Variants in ARHGAP15 observed in about 807,000 individuals in gnomAD.
ARHGAP15 encodes the protein Rho GTPase activating protein 15, also known as rho GTPase-activating protein 15.
Under a neutral mutation model 63.7 loss-of-function variants are expected in ARHGAP15, and 51 were observed. That is an observed-to-expected ratio of 0.80 (90% CI 0.64 to 1.01). The LOEUF is 1.01. ARHGAP15 is among the 50% of genes least tolerant of loss of function. ARHGAP15 has a pLI of 0.00. For missense variants in ARHGAP15, 560 were observed against 564.6 expected (o/e 0.99, Z 0.08); for synonymous variants, 191 against 193.8 (o/e 0.99, Z 0.12).
intron 6 of ARHGAP15, among the ~76,000 whole-genome samples, chr2:143,255,471 A>G (rs1279816467): frequency 1.3e-5 from 2 of 152,120 alleles, no homozygotes; most frequent in African/African-American, 4.8e-5. Context: ...ACTACAATGT[A>G]TATTAAACTT....
chr2:143,488,642 G>A (rs1337863852), intron 9 of ARHGAP15, among the ~76,000 whole-genome samples: 3 of 152,176 alleles, frequency 2.0e-5, no homozygotes, highest in South Asian at 2.1e-4. Flanking sequence ...TTCTCATGAA[G>A]AGGGCAAAGC....
chr2:143,240,433 G>T (rs1693822598), intron 5 of ARHGAP15, among the ~76,000 whole-genome samples: 3 of 152,098 alleles, frequency 2.0e-5, no homozygotes, highest in Non-Finnish European at 4.4e-5. Context: ...CGTGCAAAAT[G>T]AATATGGAAT....
At chr2:143,580,967 A>G (rs1328655457) in intron 11 of ARHGAP15, among the ~76,000 whole-genome samples, 6 of 152,284 alleles carry the variant, frequency 3.9e-5, no homozygotes, top group Admixed American at 3.3e-4. Flanking sequence ...TAGGTACTGT[A>G]TGTGCTAAGT....
intron 11 of ARHGAP15, among the ~76,000 whole-genome samples, chr2:143,575,268 A>C (rs1696633097): frequency 6.6e-6 from 1 of 152,126 alleles, no homozygotes; most frequent in Admixed American, 6.6e-5. Flanking sequence ...CATTGGAGGC[A>C]TGGATTTTAA....
chr2:143,306,088 A>G (rs910853974), intron 6 of ARHGAP15, among the ~76,000 whole-genome samples: 1 of 152,124 alleles, frequency 6.6e-6, no homozygotes, highest in African/African-American at 2.4e-5. Context: ...CCACTACTTT[A>G]TTAAAATCTT....
intron 8 of ARHGAP15, among the ~76,000 whole-genome samples, chr2:143,464,119 T>A (rs1691090478): frequency 6.6e-6 from 1 of 152,190 alleles, no homozygotes; most frequent in South Asian, 2.1e-4. Context: ...GTCTATAAAT[T>A]TAATTATATT....
rs145644913 is a variant in ARHGAP15 at position 143,203,547 on chromosome 2, G to T, written c.234+1345G>T. 7.1e-4 allele frequency among the ~76,000 whole-genome samples: 108 copies of T among 151,996 alleles called. No homozygotes were observed. The East Asian group carries it at 0.019, about 26-fold the overall frequency. On this transcript the variant is annotated intron_variant, in intron 3 of 13. Transcript: ENST00000295095. ...TACAATGCTCACTGTTTGGGTAGTG[G>T]GTACACTAGAAGCCCAACAACCACC... is the stretch of plus-strand genomic sequence containing the variant.
intron 9 of ARHGAP15, among the ~76,000 whole-genome samples, chr2:143,498,261 G>A (rs1020078038): frequency 2.0e-5 from 3 of 152,046 alleles, no homozygotes; most frequent in East Asian, 1.9e-4. Flanking sequence ...TAGTGATAAC[G>A]AAAATTAACT....
At chr2:143,628,045 G>T (rs1316022552) in intron 12 of ARHGAP15, among the ~76,000 whole-genome samples, 1 of 151,884 alleles carries the variant, frequency 6.6e-6, no homozygotes. Flanking sequence ...TGTACCCAGT[G>T]TTCAGCTCCC....
intron 13 of ARHGAP15, among the ~76,000 whole-genome samples, chr2:143,727,171 A>G (rs73961848): frequency 2.2e-4 from 34 of 152,376 alleles, no homozygotes; most frequent in African/African-American, 8.2e-4. Context: ...GGGTAGAGGT[A>G]GCATCAACTG....
intron 3 of ARHGAP15, among the ~76,000 whole-genome samples, chr2:143,211,187 T>A (rs1692544536): frequency 6.6e-6 from 1 of 151,810 alleles, no homozygotes; most frequent in African/African-American, 2.4e-5. Context: ...AGTATGGGAA[T>A]AAGTGAATAT....
At chr2:143,235,139 G>C (rs941628720) in intron 5 of ARHGAP15, among the ~76,000 whole-genome samples, 4 of 151,938 alleles carry the variant, frequency 2.6e-5, no homozygotes, top group African/African-American at 9.7e-5. Flanking sequence ...TTGCTCGTTA[G>C]GGCTACATAT....
chr2:143,768,087 TG>T lies in ARHGAP15; in HGVS notation c.1345del (p.Ala449ArgfsTer10). ...LLRAENETGN[M>X]AIHMVYQNQI... ...CGAGCTGAAAATGAAACAGGAAACA[TG>T]GCGATCCACATGGTCTACCAGAACC... On this transcript the variant is annotated frameshift_variant, in exon 14 of 14. Coordinates refer to ENST00000295095, the MANE Select transcript of ARHGAP15 (RefSeq NM_018460.4). LOFTEE classifies it high-confidence loss of function. The T allele has an allele frequency of 6.2e-7, 1 of 1,613,804 alleles. No individual in the cohort carries two copies. Among genetic ancestry groups the T allele is most frequent in the Non-Finnish European group, 8.5e-7 (1 of 1,179,796 alleles).
chr2:143,136,433 C>A (rs1392098364), intron 1 of ARHGAP15, among the ~76,000 whole-genome samples: 1 of 151,990 alleles, frequency 6.6e-6, no homozygotes, highest in Non-Finnish European at 1.5e-5. Context: ...ATAAAACACA[C>A]ACACCAATTT....
intron 2 of ARHGAP15, among the ~76,000 whole-genome samples, chr2:143,158,269 G>C (rs946405662): frequency 6.6e-5 from 10 of 151,664 alleles, no homozygotes; most frequent in Non-Finnish European, 1.5e-4. Context: ...TCTTAACTTA[G>C]AACACAATAC....
At chr2:143,422,109 C>A (rs953434628) in intron 6 of ARHGAP15, among the ~76,000 whole-genome samples, 3 of 152,060 alleles carry the variant, frequency 2.0e-5, no homozygotes, top group South Asian at 2.1e-4. Context: ...AATTAAGCCA[C>A]AAACTTTTAA....
At chr2:143,292,955 T>C (rs1682472410) in intron 6 of ARHGAP15, among the ~76,000 whole-genome samples, 1 of 152,086 alleles carries the variant, frequency 6.6e-6, no homozygotes, top group Admixed American at 6.6e-5. Flanking sequence ...CCAGAATTAC[T>C]GATTGTAATC....
intron 2 of ARHGAP15, among the ~76,000 whole-genome samples, chr2:143,165,287 A>G (rs182177469): frequency 1.6e-3 from 236 of 152,156 alleles, no homozygotes; most frequent in Non-Finnish European, 2.6e-3. Flanking sequence ...ATGCTCTTAC[A>G]TTATCTCTGT....
Position 143,488,910 on chromosome 2 carries a change from G to A in ARHGAP15, c.826+1415G>A, listed in dbSNP as rs11897151. 9.1e-3 allele frequency among the ~76,000 whole-genome samples: 1,392 copies of A among 152,238 alleles called. 26 individuals carry two copies. Among genetic ancestry groups the A allele is most frequent in the African/African-American group, 0.031 (1,306 of 41,542 alleles). ...GAGTTGCCTCAGACTTTTACTCTCC[G>A]ATGCATAATACTTTTCTGAGTTGTA... On this transcript the variant is annotated intron_variant, in intron 9 of 13. Transcript: ENST00000295095.
Sources: gnomAD v4.1 joint callset for allele counts (sites outside exome capture counted in the v4.1 genomes callset) on GRCh38, gnomAD v4.1.1 for gene constraint, MANE v1.5 for transcripts, NCBI Gene and HGNC (gene_info 2026-07-23, HGNC 2026-07-21) for gene names.